The following SARAF variants were observed in gnomAD, a reference collection of about 807,000 sequenced individuals.
SARAF encodes the protein store-operated calcium entry-associated regulatory factor.
SARAF carries 23 observed loss-of-function variants against 39.7 expected under a neutral mutation model. The ratio of observed to expected loss-of-function variants is 0.58; its 90% CI spans 0.42 to 0.82. The LOEUF (loss-of-function observed/expected upper bound fraction) is 0.82, where lower values mean the gene tolerates loss of function less well. Ranked by LOEUF, SARAF falls within the 40% of genes least tolerant of loss-of-function variation. The probability of loss-of-function intolerance (pLI) is 0.00; values close to 1 mark genes in which losing one functional copy is unlikely to be tolerated. For synonymous variants in SARAF, 175 were observed against 168.5 expected (o/e 1.04, Z -0.30); for missense variants, 384 against 418.5 (o/e 0.92, Z 0.72).
Position 30,063,784 on chromosome 8 carries a change from T to C in SARAF, c.*104A>G. On this transcript the variant is annotated 3_prime_UTR_variant, in exon 6 of 6. Coordinates refer to ENST00000256255, the MANE Select transcript of SARAF (RefSeq NM_016127.6). ...GACATAACACCACAGAACTTTTGAA[T>C]ATCCCCTTTTCCCAATTGTTAACAG... The C allele has an allele frequency of 1.0e-6, 1 of 986,736 alleles. No homozygotes were observed. Among genetic ancestry groups the C allele is most frequent in the Non-Finnish European group, 1.6e-6 (1 of 615,112 alleles). 61.1% of individuals were successfully genotyped at this position (986,736 alleles called of 1,614,324 possible).
intron 1 of SARAF, among the ~76,000 whole-genome samples, chr8:30,077,144 C>G (rs1491000457): frequency 6.6e-6 from 1 of 152,168 alleles, no homozygotes; most frequent in Non-Finnish European, 1.5e-5. Flanking sequence ...AAATTAAAAA[C>G]AGGACAGCCA....
intron 1 of SARAF, among the ~76,000 whole-genome samples, chr8:30,081,507 G>C (rs942525188): frequency 6.6e-6 from 1 of 152,166 alleles, no homozygotes; most frequent in Non-Finnish European, 1.5e-5. Context: ...ATACAACTTG[G>C]CTTTTTATTT....
intron 3 of SARAF, among the ~76,000 whole-genome samples, chr8:30,068,344 T>C (rs1396313076): frequency 6.6e-6 from 1 of 152,212 alleles, no homozygotes; most frequent in Non-Finnish European, 1.5e-5. Flanking sequence ...CTAGGTTGCA[T>C]GCTCCTTATG....
chr8:30,072,813 C>G (rs1801876454), intron 2 of SARAF, among the ~76,000 whole-genome samples: 1 of 152,180 alleles, frequency 6.6e-6, no homozygotes, highest in African/African-American at 2.4e-5. Context: ...CTTTAAGTCC[C>G]AATGGCTCCA....
intron 2 of SARAF, chr8:30,073,576 T>C (rs1801892595): frequency 4.2e-6 from 1 of 240,382 alleles, no homozygotes; most frequent in African/African-American, 2.2e-5. Context: ...GACAGGAAAA[T>C]GACAACCATA....
intron 3 of SARAF, among the ~76,000 whole-genome samples, chr8:30,068,145 C>T (rs7004841): frequency 0.98 from 149,063 of 152,296 alleles, 73,031 homozygotes; most frequent in Middle Eastern, 1. Context: ...TACTGCTCCA[C>T]GGCCTGTTAG....
At chr8:30,077,442 G>C (rs933881999) in intron 1 of SARAF, among the ~76,000 whole-genome samples, 2 of 151,898 alleles carry the variant, frequency 1.3e-5, no homozygotes, top group Non-Finnish European at 2.9e-5. Flanking sequence ...GTGAGACCCT[G>C]TCACAAAACA....
In SARAF at chr8:30,066,818, C is replaced by G; in HGVS notation, c.801G>C (p.Leu267Phe). Residue 267 changes from leucine (L) to phenylalanine (F), a missense_variant, in exon 4 of 6, where the codon TTG becomes TTC. By Grantham distance (22) the Leu-to-Phe change is conservative. Transcript: ENST00000256255. ...AATATCCTAGTATTCCACCAGTTCC[C>G]AAGCCTGTCCAGAACCCTGGTCCTG... Reference protein sequence around the residue: ...ENSGPGFWTGLGTGGILGYLF... With the variant: ...ENSGPGFWTGFGTGGILGYLF... 1 of 1,614,156 alleles carries G rather than the reference C, an allele frequency of 6.2e-7. No homozygotes were observed. The highest frequency in any genetic ancestry group is 8.5e-7 in the Non-Finnish European group (1 of 1,180,008).
intron 2 of SARAF, chr8:30,073,565 C>G (rs940877750): frequency 4.5e-6 from 1 of 221,842 alleles, no homozygotes; most frequent in Non-Finnish European, 8.9e-6. Flanking sequence ...CTTTGAGGAA[C>G]GACAGGAAAA....
At chr8:30,074,421 T>C (rs1801912385) in intron 1 of SARAF, among the ~76,000 whole-genome samples, 3 of 152,260 alleles carry the variant, frequency 2.0e-5, no homozygotes, top group Non-Finnish European at 4.4e-5. Context: ...GCACATTTAA[T>C]GCTTTAAATG....
chr8:30,079,120 T>C (rs931637431), intron 1 of SARAF, among the ~76,000 whole-genome samples: 7 of 134,052 alleles, frequency 5.2e-5, no homozygotes, highest in Non-Finnish European at 7.6e-5. Context: ...TTGCTACCAC[T>C]GCACTCCAGC....
At chr8:30,069,568 C>T in intron 3 of SARAF, 74 bp downstream of exon 3, 1 of 1,432,744 alleles carries the variant, frequency 7.0e-7, no homozygotes, top group South Asian at 1.4e-5. Flanking sequence ...CAACGATTTT[C>T]TATTTCAGAA....
intron 1 of SARAF, chr8:30,078,250 A>T (rs1342092796): frequency 2.2e-6 from 1 of 453,326 alleles, no homozygotes; most frequent in Admixed American, 2.4e-5. Flanking sequence ...AAATCCAACA[A>T]GGGCTTCTGA....
intron 1 of SARAF, chr8:30,078,167 AAGAC>A (rs1359759709): frequency 1.5e-5 from 5 of 334,400 alleles, no homozygotes; most frequent in Non-Finnish European, 2.2e-5. Context: ...AGAAAGAAAA[AAGAC>A]AGTAGGAGGA....
At chr8:30,071,069 G>A (rs370704740) in intron 2 of SARAF, among the ~76,000 whole-genome samples, 15 of 152,282 alleles carry the variant, frequency 9.9e-5, no homozygotes, top group African/African-American at 3.1e-4. Flanking sequence ...GGCCAGGCGC[G>A]GTGGTTCATG....
rs1801705532 is a variant in SARAF, at chr8:30,066,933, G to A, written c.701-15C>T. On this transcript the variant is annotated splice_polypyrimidine_tract_variant and intron_variant, in intron 3 of 5. Transcript: ENST00000256255. ...ATTCTGTGGTCCTTAAAATAAAAATGATTTATTATGTATCCTCACTTAAAC... is the reference window on the plus strand; with the variant it reads ...ATTCTGTGGTCCTTAAAATAAAAATAATTTATTATGTATCCTCACTTAAAC... 6.5e-7 allele frequency: 1 copy of A among 1,546,146 alleles called. No homozygotes were observed. Among genetic ancestry groups the A allele is most frequent in the Non-Finnish European group, 8.9e-7 (1 of 1,129,790 alleles).
intron 1 of SARAF, among the ~76,000 whole-genome samples, chr8:30,079,346 T>G (rs528015709): frequency 6.6e-6 from 1 of 152,214 alleles, no homozygotes; most frequent in East Asian, 1.9e-4. Context: ...CTGGCATAAT[T>G]GACTATGCAG....
rs1801808605 is a variant in SARAF at position 30,070,293 on chromosome 8, A to G, written c.283-234T>C. The stretch of plus-strand genomic sequence containing the variant: ...CGCAGTGGCAGGCGCCTATAATCCC[A>G]GCTACTAAGGAGGCTGAGGCAGGAG... On this transcript the variant is annotated intron_variant, in intron 2 of 5. Coordinates refer to ENST00000256255, the MANE Select transcript of SARAF (RefSeq NM_016127.6). 2.6e-5 allele frequency among the ~76,000 whole-genome samples: 4 copies of G among 152,116 alleles called. No individual in the cohort carries two copies. In the South Asian group the frequency reaches 8.3e-4, roughly 31 times the overall value.
rs775123000 is a variant in SARAF at position 30,072,494 on chromosome 8, T to C, written c.282+1383A>G. On this transcript the variant is annotated intron_variant, in intron 2 of 5. Transcript: ENST00000256255. ...TACACTGTTTTTAAAATAATTTTAT[T>C]TGGAGGAAGATTCATAGGTTTGTTG... is the stretch of plus-strand genomic sequence containing the variant. Among the ~76,000 whole-genome samples, 8 of 152,192 alleles carry C rather than the reference T, an allele frequency of 5.3e-5. No homozygotes were observed. The South Asian group carries it at 1.2e-3, about 24-fold the overall frequency.
Sources: gnomAD v4.1 joint callset for allele counts (sites outside exome capture counted in the v4.1 genomes callset) on GRCh38, gnomAD v4.1.1 for gene constraint, MANE v1.5 for transcripts, NCBI Gene and HGNC (gene_info 2026-07-23, HGNC 2026-07-21) for gene names.